Variants in BMERB1 observed in about 807,000 individuals in gnomAD.
The protein encoded by BMERB1 is bMERB domain containing 1.
BMERB1 carries 12 observed loss-of-function variants against 23.6 expected under a neutral mutation model. That is an observed-to-expected ratio of 0.51 (90% CI 0.33 to 0.82). BMERB1 has a LOEUF of 0.82. BMERB1 is among the 40% of genes least tolerant of loss of function. BMERB1 has a pLI of 0.03. For missense variants in BMERB1, 247 were observed against 255.4 expected (o/e 0.97, Z 0.22); for synonymous variants, 122 against 96.6 (o/e 1.26, Z -1.54).
At chr16:15,527,121 C>T (rs2051917068) in intron 2 of BMERB1, among the ~76,000 whole-genome samples, 1 of 151,934 alleles carries the variant, frequency 6.6e-6, no homozygotes, top group Non-Finnish European at 1.5e-5. Context: ...TCTAAGAGTA[C>T]AGTTCTATGT....
At chr16:15,488,822 A>T (rs1382104362) in intron 1 of BMERB1, among the ~76,000 whole-genome samples, 3 of 151,652 alleles carry the variant, frequency 2.0e-5, no homozygotes, top group African/African-American at 7.3e-5. Flanking sequence ...CGTCTCAAAA[A>T]AAAAAAAAAC....
intron 1 of BMERB1, among the ~76,000 whole-genome samples, chr16:15,487,288 C>T (rs917045888): frequency 5.3e-5 from 8 of 152,012 alleles, no homozygotes; most frequent in Non-Finnish European, 1.2e-4. Context: ...CAGGAAAAAC[C>T]AATTGTTTTA....
At chr16:15,571,864 C>G (rs764077279) in intron 3 of BMERB1, among the ~76,000 whole-genome samples, 4 of 152,198 alleles carry the variant, frequency 2.6e-5, no homozygotes, top group Non-Finnish European at 5.9e-5. Context: ...TTCCTTTATC[C>G]TATGTAAAAT....
chr16:15,465,232 C>G (rs2051170777), intron 1 of BMERB1, among the ~76,000 whole-genome samples: 1 of 152,062 alleles, frequency 6.6e-6, no homozygotes, highest in Non-Finnish European at 1.5e-5. Context: ...TAGGACCTCT[C>G]TGACATACAA....
chr16:15,468,933 G>A (rs1212095878), intron 1 of BMERB1, among the ~76,000 whole-genome samples: 1 of 150,434 alleles, frequency 6.6e-6, no homozygotes, highest in Non-Finnish European at 1.5e-5. Flanking sequence ...TTGTTGAAAA[G>A]GCTTGACTTC....
rs1325314623 is a variant in BMERB1 at position 15,515,309 on chromosome 16, G to C, written c.111G>C (p.Gln37His). ...AWKTERLGRN[Q>H]LDIISMAETT... ...TATTTCCTGTCTCCTGCACAGATCA[G>C]CTGGACATCATCTCCATGGCGGAGA... Residue 37 changes from glutamine (Q) to histidine (H), a missense_variant, in exon 2 of 6, where the codon CAG becomes CAC. Transcript: ENST00000300006. 1 of 1,613,528 alleles carries C rather than the reference G, an allele frequency of 6.2e-7. No homozygotes were observed. The highest frequency in any genetic ancestry group is 1.1e-5 in the South Asian group (1 of 91,034).
intron 2 of BMERB1, among the ~76,000 whole-genome samples, chr16:15,546,890 G>A (rs546434880): frequency 1.3e-5 from 2 of 152,084 alleles, no homozygotes; most frequent in Non-Finnish European, 2.9e-5. Context: ...AATCCTAAAC[G>A]TGTCCTGTTA....
Position 15,470,825 on chromosome 16 carries a change from CTTTTTTTTTTTTTTTTT to C in BMERB1, c.106+36078_106+36094del, listed in dbSNP as rs35873574. On this transcript the variant is annotated intron_variant, in intron 1 of 5. Coordinates refer to ENST00000300006, the MANE Select transcript of BMERB1 (RefSeq NM_033201.3). ...AGGCATGAGCCACCGCACCTGGCCTCTTTTTTTTTTTTTTTTTTTTTTTTTTTTGGAGAGGGAGTCTT... is the reference window on the plus strand; with the variant it reads ...AGGCATGAGCCACCGCACCTGGCCTCTTTTTTTTTTTGGAGAGGGAGTCTT... Among the ~76,000 whole-genome samples, 4 of 49,388 alleles carry C rather than the reference CTTTTTTTTTTTTTTTTT, an allele frequency of 8.1e-5. No individual in the cohort carries two copies. In the East Asian group the frequency reaches 2.3e-3, roughly 29 times the overall value. 32.4% of individuals were successfully genotyped at this position (49,388 alleles called of 152,430 possible).
At chr16:15,451,737 T>TC (rs1193605332) in intron 1 of BMERB1, among the ~76,000 whole-genome samples, 4 of 134,432 alleles carry the variant, frequency 3.0e-5, no homozygotes, top group Non-Finnish European at 6.4e-5. Context: ...TAACTAATTT[T>TC]TTTTTTTTTT....
rs185488499 is a variant in BMERB1 at position 15,533,743 on chromosome 16, A to G, written c.230+18315A>G. 1.1e-3 allele frequency among the ~76,000 whole-genome samples: 164 copies of G among 152,288 alleles called. 1 individual carries two copies. The highest frequency in any genetic ancestry group is 0.01 in the Middle Eastern group (3 of 294). On this transcript the variant is annotated intron_variant, in intron 2 of 5. Coordinates refer to ENST00000300006, the MANE Select transcript of BMERB1 (RefSeq NM_033201.3). ...GGAAAGAGGACAGAGCGTCTGCCTC[A>G]AGAATAACAAGAGAGACAGTGTCCT...
intron 2 of BMERB1, among the ~76,000 whole-genome samples, chr16:15,526,684 AC>A (rs1332326857): frequency 4.7e-5 from 7 of 149,626 alleles, no homozygotes; most frequent in South Asian, 2.1e-4. Flanking sequence ...AAAAAAAAAA[AC>A]TAAAAAATAT....
intron 1 of BMERB1, among the ~76,000 whole-genome samples, chr16:15,492,883 C>G (rs112921224): frequency 0.028 from 4,211 of 151,070 alleles, 184 homozygotes; most frequent in South Asian, 0.11. Flanking sequence ...CATGCCACTG[C>G]ACTCCAGCCT....
At chr16:15,449,021 G>A (rs1289460854) in intron 1 of BMERB1, among the ~76,000 whole-genome samples, 2 of 152,046 alleles carry the variant, frequency 1.3e-5, no homozygotes, top group Non-Finnish European at 2.9e-5. Context: ...GCATAGGTGA[G>A]GTATAACATT....
At chr16:15,508,510 T>C (rs1026554525) in intron 1 of BMERB1, among the ~76,000 whole-genome samples, 2 of 152,084 alleles carry the variant, frequency 1.3e-5, no homozygotes, top group Non-Finnish European at 2.9e-5. Context: ...GGCCATAGGG[T>C]ATCAACCCCT....
chr16:15,434,885 G>C, intron 1 of BMERB1, 126 bp downstream of exon 1: 1 of 757,294 alleles, frequency 1.3e-6, no homozygotes, highest in Non-Finnish European at 2.1e-6. Context: ...AGCGGGGCTG[G>C]CAGCTCAGGG....
intron 1 of BMERB1, among the ~76,000 whole-genome samples, chr16:15,508,828 CAAAAAAAAAAA>C (rs1181215065): frequency 1.8e-5 from 1 of 56,072 alleles, no homozygotes; most frequent in Non-Finnish European, 3.8e-5. Flanking sequence ...CCTGCCCCAC[CAAAAAAAAAAA>C]AAAAAAAAAA....
At chr16:15,486,201 CAAAA>C (rs35607256) in intron 1 of BMERB1, among the ~76,000 whole-genome samples, 28 of 104,270 alleles carry the variant, frequency 2.7e-4, no homozygotes, top group African/African-American at 1.1e-3. Context: ...GACTCCATCT[CAAAA>C]AAAAAAAAAA....
At chr16:15,573,530 G>A (rs1180103643) in intron 3 of BMERB1, among the ~76,000 whole-genome samples, 2 of 152,022 alleles carry the variant, frequency 1.3e-5, no homozygotes, top group East Asian at 3.9e-4. Flanking sequence ...CAGTTCCTGG[G>A]TTGGGGCCAC....
intron 4 of BMERB1, 24 bp downstream of exon 4, chr16:15,581,355 T>A (rs2031010945): frequency 6.3e-7 from 1 of 1,588,278 alleles, no homozygotes; most frequent in East Asian, 2.2e-5. Context: ...GGGTACCCGA[T>A]CACTGGGCTG....
Sources: gnomAD v4.1 joint callset for allele counts (sites outside exome capture counted in the v4.1 genomes callset) on GRCh38, gnomAD v4.1.1 for gene constraint, MANE v1.5 for transcripts, NCBI Gene and HGNC (gene_info 2026-07-23, HGNC 2026-07-21) for gene names.